Variants in GRIP2 observed in about 807,000 individuals in gnomAD.
GRIP2 encodes glutamate receptor interacting protein 2, also known as glutamate receptor-interacting protein 2.
GRIP2 carries 58 observed loss-of-function variants against 108.3 expected under a neutral mutation model. The observed-to-expected ratio is 0.54, with a 90% CI of 0.43 to 0.67. The LOEUF is 0.67. GRIP2 is among the 30% of genes least tolerant of loss of function. The probability of loss-of-function intolerance (pLI) is 0.00; values close to 1 mark genes in which losing one functional copy is unlikely to be tolerated. For synonymous variants in GRIP2, 586 were observed against 598.2 expected (o/e 0.98, Z 0.30); for missense variants, 1,278 against 1,430.6 (o/e 0.89, Z 1.72).
chr3:14,555,752 G>C (rs1469640818), intron 1 of GRIP2: 5 of 398,496 alleles, frequency 1.3e-5, no homozygotes, highest in Middle Eastern at 6.2e-4. Flanking sequence ...ATCTGGGACA[G>C]AGACACGGAG....
chr3:14,540,432 A>T (rs1321099167), upstream of GRIP2: 1 of 1,594,886 alleles, frequency 6.3e-7, no homozygotes. This position sits in a 1 kb window ranked among gnomAD's most constrained non-coding sequence, Gnocchi z 4.1. Context: ...CTGGGCACCG[A>T]GTCCACCCAC....
In GRIP2 at chr3:14,512,684, C is replaced by T. The variant is rs771973446; in HGVS notation, c.1720+93G>A. 11 of 1,253,420 alleles carry T rather than the reference C, an allele frequency of 8.8e-6. No homozygotes were observed. Among genetic ancestry groups the T allele is most frequent in the East Asian group, 2.4e-5 (1 of 41,480 alleles). The allele number at this position is 1,253,420 out of a possible 1,614,324, so 77.6% of individuals were successfully genotyped here. On this transcript the variant is annotated intron_variant, in intron 14 of 23. Coordinates refer to ENST00000621039, the MANE Select transcript of GRIP2 (RefSeq NM_001080423.4). The surrounding 1 kb of genome is among the most constrained non-coding windows in gnomAD (Gnocchi z 5.1). ...TTTCCTCGGGCCCCGCAGGGTGTCA[C>T]GCCATGGAAATGCTGGTCTGAGCTT...
chr3:14,544,962 G>A (rs528989381), upstream of GRIP2, among the ~76,000 whole-genome samples: 13 of 152,300 alleles, frequency 8.5e-5, no homozygotes, highest in African/African-American at 2.9e-4. Flanking sequence ...TTCAGGGAAG[G>A]CTGGGAGGAG....
intron 16 of GRIP2, among the ~76,000 whole-genome samples, chr3:14,510,814 C>A (rs956115325): frequency 6.6e-6 from 1 of 152,112 alleles, no homozygotes; most frequent in Non-Finnish European, 1.5e-5. Context: ...TCATAGCCTG[C>A]CACTCAAAAG....
upstream of GRIP2, chr3:14,556,083 C>T (rs930635889): frequency 5.0e-6 from 2 of 398,206 alleles, no homozygotes; most frequent in East Asian, 3.6e-5. Flanking sequence ...TCCCTTCCTC[C>T]GCCCTCCCGG....
intron 23 of GRIP2, among the ~76,000 whole-genome samples, chr3:14,494,492 G>A (rs1693523062): frequency 6.6e-6 from 1 of 152,182 alleles, no homozygotes; most frequent in African/African-American, 2.4e-5. Context: ...GTTGCTTCTG[G>A]GTGAAGGCGG....
At chr3:14,553,274 AT>A (rs1487653970) in intron 1 of GRIP2, among the ~76,000 whole-genome samples, 3 of 151,752 alleles carry the variant, frequency 2.0e-5, no homozygotes, top group Non-Finnish European at 4.4e-5. Context: ...CGTTCAGCTA[AT>A]TTTTGTATTT....
At chr3:14,510,282 A>C (rs573344100) in intron 16 of GRIP2, among the ~76,000 whole-genome samples, 3 of 98,330 alleles carry the variant, frequency 3.1e-5, no homozygotes, top group East Asian at 3.2e-4. Flanking sequence ...TTTTTTTTTG[A>C]GACAGAGTCT....
At position 14,506,899 on chromosome 3, in the gene GRIP2, C is replaced by T; in HGVS notation, c.2300G>A (p.Gly767Asp). Residue 767 changes from glycine to aspartate, a missense_variant, in exon 19 of 24, where the codon GGC becomes GAC. Physicochemically the swap from Gly to Asp is moderately conservative, Grantham distance 94. Transcript: ENST00000621039. ...DEDPADALKG[G>D]LPAARFSPAV... ...CGGCGAGAAGCGGGCTGCTGGCAGG[C>T]CTCCTTTCAGGGCATCTGCTGGGTC... is the stretch of plus-strand genomic sequence containing the variant. The T allele has an allele frequency of 6.2e-7, 1 of 1,606,468 alleles. No homozygotes were observed. Among genetic ancestry groups the T allele is most frequent in the East Asian group, 2.2e-5 (1 of 44,552 alleles).
At chr3:14,559,790 C>T (rs532514389), upstream of GRIP2, among the ~76,000 whole-genome samples, 4 of 152,260 alleles carry the variant, frequency 2.6e-5, no homozygotes, top group African/African-American at 9.6e-5. Flanking sequence ...CAGAGACAGA[C>T]GCTGCTTCTC....
the GRIP2 span, among the ~76,000 whole-genome samples, chr3:14,565,507 G>A: frequency 7.9e-5 from 12 of 152,130 alleles, no homozygotes; most frequent in African/African-American, 2.4e-4. Flanking sequence ...GAACCAACCC[G>A]CACAGCTGGG....
chr3:14,507,258 G>A lies in GRIP2; in HGVS notation c.2219-278C>T, dbSNP rs1270910251. Among the ~76,000 whole-genome samples the A allele has an allele frequency of 6.6e-6, 1 of 152,202 alleles. No individual in the cohort carries two copies. The highest frequency in any genetic ancestry group is 1.5e-5 in the Non-Finnish European group (1 of 68,036). On this transcript the variant is annotated intron_variant, in intron 18 of 23. Coordinates refer to ENST00000621039, the MANE Select transcript of GRIP2 (RefSeq NM_001080423.4). The surrounding 1 kb of genome is among the most constrained non-coding windows in gnomAD (Gnocchi z 4.6). ...ATGGTGGCCTTTCTACCAAGGCACG[G>A]GGACGTATTCAGGGGCAGCTGAGGA...
At chr3:14,508,292 C>T (rs1693986050) in intron 17 of GRIP2, among the ~76,000 whole-genome samples, 1 of 152,186 alleles carries the variant, frequency 6.6e-6, no homozygotes, top group South Asian at 2.1e-4. Flanking sequence ...TACCTGGACA[C>T]CCATTACAAT....
rs35039738 is a variant in GRIP2 at position 14,529,114 on chromosome 3, C to CA, written c.41-3184dup. On this transcript the variant is annotated intron_variant, in intron 1 of 23. Coordinates refer to ENST00000621039, the MANE Select transcript of GRIP2 (RefSeq NM_001080423.4). The stretch of plus-strand genomic sequence containing the variant: ...TGAAACCCTATCTCTACTAAAAATA[C>CA]AAAAAAAAAAAAAAATTAGCTGGGC... 1.9e-3 allele frequency among the ~76,000 whole-genome samples: 245 copies of CA among 132,316 alleles called. 2 individuals carry two copies. The highest frequency in any genetic ancestry group is 4.6e-3 in the African/African-American group (153 of 33,130). The allele number at this position is 132,316 out of a possible 152,430, so 86.8% of individuals were successfully genotyped here.
chr3:14,572,238 G>A, the GRIP2 span, among the ~76,000 whole-genome samples: 99 of 151,912 alleles, frequency 6.5e-4, no homozygotes, highest in South Asian at 1.5e-3. Flanking sequence ...AATAAAAATG[G>A]CGGCATATTC....
chr3:14,549,606 C>G (rs563397264), intron 1 of GRIP2, among the ~76,000 whole-genome samples: 1 of 152,232 alleles, frequency 6.6e-6, no homozygotes, highest in Admixed American at 6.5e-5. Flanking sequence ...ACATCCTCTA[C>G]GCCCAAGTGG....
chr3:14,555,761 A>T (rs1695227870), intron 1 of GRIP2: 1 of 398,702 alleles, frequency 2.5e-6, no homozygotes, highest in African/African-American at 2.1e-5. Flanking sequence ...AGAGACACGG[A>T]GGGAGAGAGA....
chr3:14,574,034 G>A, the GRIP2 span: 3 of 1,486,844 alleles, frequency 2.0e-6, no homozygotes, highest in Non-Finnish European at 1.9e-6. Context: ...AGCTGGGCCC[G>A]ATCCAGAAGT....
chr3:14,524,941 T>C (rs1202018934), intron 3 of GRIP2, among the ~76,000 whole-genome samples: 1 of 152,210 alleles, frequency 6.6e-6, no homozygotes, highest in East Asian at 1.9e-4. Context: ...ACTGAGAGGC[T>C]AACTCCCAGG....
Sources: allele counts gnomAD v4.1 joint callset (sites outside exome capture counted in the v4.1 genomes callset), GRCh38; gene constraint gnomAD v4.1.1; non-coding constraint Gnocchi (gnomAD v3.1); transcripts MANE v1.5; gene names NCBI Gene and HGNC (gene_info 2026-07-23, HGNC 2026-07-21).